ECM2: variants seen among roughly 807,000 people sequenced by gnomAD.
The protein encoded by ECM2 is extracellular matrix protein 2, female organ and adipocyte specific.
A neutral mutation model predicts 67.5 loss-of-function variants in ECM2; 57 were observed. The observed-to-expected ratio is 0.84, with a 90% CI of 0.68 to 1.05. ECM2 has a LOEUF of 1.05. Among genes scored for constraint, ECM2 ranks in the 50% least tolerant of loss-of-function variants. The pLI is 0.00. For missense variants in ECM2, 741 were observed against 822.8 expected (o/e 0.90, Z 1.22); for synonymous variants, 258 against 294.5 (o/e 0.88, Z 1.27).
At chr9:92,534,185 A>C (rs917811110) in intron 1 of ECM2, among the ~76,000 whole-genome samples, 8 of 152,042 alleles carry the variant, frequency 5.3e-5, no homozygotes, top group African/African-American at 1.9e-4. Context: ...TCCCACCAGG[A>C]GCTCCCCTTT....
At position 92,495,708 on chromosome 9, in the gene ECM2, CATAAT is replaced by C. The variant is rs1243966731; in HGVS notation, c.*602_*606del. On this transcript the variant is annotated 3_prime_UTR_variant, in exon 10 of 10. Coordinates refer to ENST00000344604, the MANE Select transcript of ECM2 (RefSeq NM_001393.4). Reference sequence around the variant, plus strand: ...CCTTAATGTTAACAATGTACATAACCATAATATGATTTTCAAAACCAGGAAATTAA... The same window carrying C: ...CCTTAATGTTAACAATGTACATAACCATGATTTTCAAAACCAGGAAATTAA... 2 of 899,364 alleles carry C rather than the reference CATAAT, an allele frequency of 2.2e-6. No individual in the cohort carries two copies. The highest frequency in any genetic ancestry group is 3.6e-5 in the African/African-American group (2 of 55,242). The allele number at this position is 899,364 out of a possible 1,614,324, so 55.7% of individuals were successfully genotyped here. A position where few individuals can be genotyped will look rare whatever the true frequency, so the allele number is the denominator to read the frequency against.
the ECM2 span, among the ~76,000 whole-genome samples, chr9:92,550,857 G>T: frequency 6.6e-6 from 1 of 152,130 alleles, no homozygotes; most frequent in Non-Finnish European, 1.5e-5. Flanking sequence ...TGGTGGCTCA[G>T]GAAGGAGCCA....
At chr9:92,545,147 G>A in the ECM2 span, among the ~76,000 whole-genome samples, 8 of 152,218 alleles carry the variant, frequency 5.3e-5, no homozygotes, top group African/African-American at 1.9e-4. Context: ...CTCTGGCCGT[G>A]CTTGAGGAGT....
At chr9:92,551,925 G>GTGTGTA in the ECM2 span, among the ~76,000 whole-genome samples, 221 of 84,508 alleles carry the variant, frequency 2.6e-3, 28 homozygotes, top group African/African-American at 0.017. Context: ...TGGTGTGTGT[G>GTGTGTA]TATATATATA....
intron 1 of ECM2, among the ~76,000 whole-genome samples, chr9:92,532,664 A>C (rs986282607): frequency 6.6e-6 from 1 of 151,984 alleles, no homozygotes; most frequent in Non-Finnish European, 1.5e-5. Context: ...TGTATTTTCT[A>C]GTTTTCAGGT....
chr9:92,555,253 G>A, the ECM2 span, among the ~76,000 whole-genome samples: 2 of 85,036 alleles, frequency 2.4e-5, no homozygotes, highest in East Asian at 3.5e-4. Flanking sequence ...TTTAGATGGA[G>A]TTTCGCTCTT....
chr9:92,515,216 C>T lies in ECM2; in HGVS notation c.482-13G>A. On this transcript the variant is annotated splice_polypyrimidine_tract_variant and intron_variant, in intron 3 of 9. Transcript: ENST00000344604. Reference sequence around the variant, plus strand: ...AGAGAATAGGAGACTAATGACCACGCAAGGATGAGGTAGCAGAGATAAGTT... The same window carrying T: ...AGAGAATAGGAGACTAATGACCACGTAAGGATGAGGTAGCAGAGATAAGTT... The T allele has an allele frequency of 1.3e-6, 2 of 1,536,090 alleles. No individual in the cohort carries two copies. The highest frequency in any genetic ancestry group is 1.3e-5 in the South Asian group (1 of 76,130).
At chr9:92,544,800 C>T in the ECM2 span, among the ~76,000 whole-genome samples, 1 of 150,788 alleles carries the variant, frequency 6.6e-6, no homozygotes, top group East Asian at 2.0e-4. Flanking sequence ...ACTGCAACCT[C>T]CGCCTCTCGG....
downstream of ECM2, among the ~76,000 whole-genome samples, chr9:92,495,026 G>T (rs1483508410): frequency 6.6e-6 from 1 of 151,728 alleles, no homozygotes; most frequent in Non-Finnish European, 1.5e-5. Flanking sequence ...TTTTATATGA[G>T]ATAATAACTG....
intron 3 of ECM2, chr9:92,516,813 A>C (rs1290932869): frequency 6.6e-6 from 1 of 152,216 alleles, no homozygotes; most frequent in African/African-American, 2.4e-5. Context: ...TTGGTAGTAT[A>C]ACGCAAAACA....
the ECM2 span, among the ~76,000 whole-genome samples, chr9:92,552,634 G>A: frequency 6.6e-6 from 1 of 152,094 alleles, no homozygotes; most frequent in Non-Finnish European, 1.5e-5. Context: ...TTGGCCATTT[G>A]TGTATCTTCT....
intron 3 of ECM2, chr9:92,517,406 C>T: frequency 1.8e-6 from 1 of 570,760 alleles, no homozygotes; most frequent in Non-Finnish European, 3.1e-6. Flanking sequence ...TGTAGAAATT[C>T]TGTTACCATA....
At chr9:92,525,617 G>A (rs201370378) in intron 1 of ECM2, among the ~76,000 whole-genome samples, 63 of 152,220 alleles carry the variant, frequency 4.1e-4, no homozygotes, top group African/African-American at 1.2e-3. Flanking sequence ...CAGGCTGGGC[G>A]CGGTGGCTCA....
chr9:92,502,028 G>A (rs1846710177), intron 8 of ECM2, among the ~76,000 whole-genome samples: 1 of 152,232 alleles, frequency 6.6e-6, no homozygotes, highest in South Asian at 2.1e-4. Context: ...TAGGAGAACA[G>A]GCCTGGGCTC....
At chr9:92,539,506 G>C (rs1378803973), upstream of ECM2, among the ~76,000 whole-genome samples, 1 of 152,104 alleles carries the variant, frequency 6.6e-6, no homozygotes, top group Non-Finnish European at 1.5e-5. Context: ...AGTTGATGCA[G>C]AGTAGAGTTT....
intron 7 of ECM2, 59 bp from the exon 8 acceptor site, chr9:92,502,711 C>T: frequency 7.4e-7 from 1 of 1,344,348 alleles, no homozygotes. Flanking sequence ...CGTTCAATTT[C>T]ATGGAGACTA....
chr9:92,518,173 A>G (rs1378486256), intron 2 of ECM2, among the ~76,000 whole-genome samples: 1 of 152,144 alleles, frequency 6.6e-6, no homozygotes, highest in Non-Finnish European at 1.5e-5. Flanking sequence ...CAACATCAAC[A>G]AACAATCCCC....
At chr9:92,517,982 AG>A (rs1847829677) in intron 2 of ECM2, 107 bp from the exon 3 acceptor site, 4 of 1,303,240 alleles carry the variant, frequency 3.1e-6, no homozygotes, top group Non-Finnish European at 4.3e-6. Flanking sequence ...ACACAAGAAT[AG>A]AATTCTATGT....
the ECM2 span, among the ~76,000 whole-genome samples, chr9:92,553,789 C>A: frequency 6.6e-6 from 1 of 152,086 alleles, no homozygotes; most frequent in Non-Finnish European, 1.5e-5. Flanking sequence ...TTGCTAAATT[C>A]TTTGATCAGT....
Sources: allele counts gnomAD v4.1 joint callset (sites outside exome capture counted in the v4.1 genomes callset), GRCh38; gene constraint gnomAD v4.1.1; transcripts MANE v1.5; gene names NCBI Gene and HGNC (gene_info 2026-07-23, HGNC 2026-07-21).